The following SH3GL2 variants were observed in gnomAD, a reference collection of about 807,000 sequenced individuals.
SH3GL2 encodes the protein SH3 domain containing GRB2 like 2, endophilin A1.
SH3GL2 carries 24 observed loss-of-function variants against 46.0 expected under a neutral mutation model. The ratio of observed to expected loss-of-function variants is 0.52; its 90% CI spans 0.38 to 0.73. SH3GL2 has a LOEUF of 0.73. Ranked by LOEUF, SH3GL2 falls within the 30% of genes least tolerant of loss-of-function variation. The pLI, the probability that SH3GL2 is intolerant of heterozygous loss-of-function variation, is 0.00. For missense variants in SH3GL2, 413 were observed against 424.2 expected, an observed-to-expected ratio of 0.97 and a Z score of 0.23; for synonymous variants, 196 against 147.1, an observed-to-expected ratio of 1.33 and a Z score of -2.40.
At chr9:17,774,500 T>G (rs1176116151) in intron 3 of SH3GL2, among the ~76,000 whole-genome samples, 1 of 152,080 alleles carries the variant, frequency 6.6e-6, no homozygotes, top group African/African-American at 2.4e-5. Flanking sequence ...GAAAAGGTGT[T>G]GAACTTAGTC....
rs73424576 is a variant in SH3GL2 at position 17,787,629 on chromosome 9, G to A, written c.465+116G>A. The A allele has an allele frequency of 9.9e-4, 757 of 766,542 alleles. 2 individuals carry two copies. In the African/African-American group the frequency reaches 0.012, roughly 12 times the overall value. The allele number at this position is 766,542 out of a possible 1,614,324, so 47.5% of individuals were successfully genotyped here. A position where few individuals can be genotyped will look rare whatever the true frequency, so the allele number is the denominator to read the frequency against. ...CCTGTGTGTTGTCAGCTCTGGGCAC[G>A]TTAATTACAAAACAACCCAGTAAGA... is the stretch of plus-strand genomic sequence containing the variant. On this transcript the variant is annotated intron_variant, in intron 5 of 8. Coordinates refer to ENST00000380607, the MANE Select transcript of SH3GL2 (RefSeq NM_003026.5).
intron 1 of SH3GL2, among the ~76,000 whole-genome samples, chr9:17,618,771 T>G (rs1819063648): frequency 1.4e-5 from 2 of 147,680 alleles, no homozygotes. Flanking sequence ...TTGAACTAAA[T>G]TTTTGCCAAA....
At chr9:17,699,229 C>T (rs917869390) in intron 1 of SH3GL2, among the ~76,000 whole-genome samples, 1 of 151,280 alleles carries the variant, frequency 6.6e-6, no homozygotes, top group African/African-American at 2.4e-5. Context: ...TGAAATATTC[C>T]TCTCTGTATA....
At chr9:17,716,378 C>G (rs12351158) in intron 1 of SH3GL2, among the ~76,000 whole-genome samples, 1,914 of 152,186 alleles carry the variant, frequency 0.013, 55 homozygotes, top group African/African-American at 0.043. Context: ...TCTTTTGGGT[C>G]TTGCTTTTAA....
intron 1 of SH3GL2, among the ~76,000 whole-genome samples, chr9:17,650,474 CG>C (rs1315440103): frequency 6.6e-6 from 1 of 152,058 alleles, no homozygotes; most frequent in African/African-American, 2.4e-5. Context: ...CGGGTTCAAG[CG>C]ATTCTCCTGC....
intron 1 of SH3GL2, among the ~76,000 whole-genome samples, chr9:17,742,879 A>T (rs1201322590): frequency 2.6e-5 from 4 of 152,308 alleles, no homozygotes; most frequent in Non-Finnish European, 5.9e-5. Context: ...ACAGGGGGAC[A>T]TATTGGTTCA....
intron 3 of SH3GL2, among the ~76,000 whole-genome samples, chr9:17,774,503 A>C (rs1480951144): frequency 6.6e-6 from 1 of 150,690 alleles, no homozygotes; most frequent in Non-Finnish European, 1.5e-5. Context: ...AAGGTGTTGA[A>C]CTTAGTCAAC....
chr9:17,728,956 G>T (rs10118179), intron 1 of SH3GL2, among the ~76,000 whole-genome samples: 1 of 151,946 alleles, frequency 6.6e-6, no homozygotes, highest in South Asian at 2.1e-4. Flanking sequence ...GTGTCTTTAT[G>T]GTAGAATGAT....
At chr9:17,592,439 C>A (rs1818502215) in intron 1 of SH3GL2, among the ~76,000 whole-genome samples, 1 of 152,184 alleles carries the variant, frequency 6.6e-6, no homozygotes, top group Non-Finnish European at 1.5e-5. Flanking sequence ...TAATTTAAAA[C>A]TGAATCAGTG....
At chr9:17,680,968 A>C (rs1426391854) in intron 1 of SH3GL2, among the ~76,000 whole-genome samples, 1 of 152,038 alleles carries the variant, frequency 6.6e-6, no homozygotes, top group Non-Finnish European at 1.5e-5. Context: ...CCTGAGTTCT[A>C]GTTTGATTTT....
intron 1 of SH3GL2, among the ~76,000 whole-genome samples, chr9:17,719,132 T>C (rs1248755975): frequency 6.6e-6 from 1 of 152,156 alleles, no homozygotes; most frequent in Non-Finnish European, 1.5e-5. Context: ...TAATATGGTC[T>C]ACCTAATCTT....
At chr9:17,679,453 G>A (rs1447247685) in intron 1 of SH3GL2, among the ~76,000 whole-genome samples, 1 of 152,126 alleles carries the variant, frequency 6.6e-6, no homozygotes, top group Non-Finnish European at 1.5e-5. Context: ...GTATAAGAAT[G>A]CTTGTGATTT....
chr9:17,772,717 A>T (rs973798190), intron 3 of SH3GL2, among the ~76,000 whole-genome samples: 1 of 152,182 alleles, frequency 6.6e-6, no homozygotes, highest in Non-Finnish European at 1.5e-5. Context: ...GTGTGTAAAT[A>T]GTGCAATTTT....
chr9:17,715,694 T>G (rs1215759242), intron 1 of SH3GL2, among the ~76,000 whole-genome samples: 4 of 151,976 alleles, frequency 2.6e-5, no homozygotes, highest in Non-Finnish European at 5.9e-5. Flanking sequence ...AAGCAGCTGT[T>G]CCTCAACTCA....
chr9:17,635,151 C>T (rs1588192287), intron 1 of SH3GL2, among the ~76,000 whole-genome samples: 1 of 152,124 alleles, frequency 6.6e-6, no homozygotes, highest in Non-Finnish European at 1.5e-5. Flanking sequence ...CTACCACCCT[C>T]CTATAGGCCC....
intron 1 of SH3GL2, among the ~76,000 whole-genome samples, chr9:17,616,715 G>A (rs201949218): frequency 5.9e-5 from 9 of 152,102 alleles, no homozygotes; most frequent in South Asian, 2.1e-4. Flanking sequence ...CTTAAAAATC[G>A]TATCATTGAA....
rs77632495 is a variant in SH3GL2 at position 17,691,499 on chromosome 9, A to C, written c.46-55567A>C. On this transcript the variant is annotated intron_variant, in intron 1 of 8. Coordinates refer to ENST00000380607, the MANE Select transcript of SH3GL2 (RefSeq NM_003026.5). ...CGGCCTACAAACAAATCCCTATCTA[A>C]TTGATTTTTGTCAGGGTTTATAACG... Among the ~76,000 whole-genome samples, 15 of 152,234 alleles carry C rather than the reference A, an allele frequency of 9.9e-5. No homozygotes were observed. In the East Asian group the frequency reaches 2.9e-3, roughly 29 times the overall value.
At chr9:17,669,288 A>G (rs1377671715) in intron 1 of SH3GL2, among the ~76,000 whole-genome samples, 2 of 152,112 alleles carry the variant, frequency 1.3e-5, no homozygotes, top group African/African-American at 4.8e-5. Flanking sequence ...GAACTCATTT[A>G]TGTATATATG....
chr9:17,771,326 G>T (rs2209428), intron 3 of SH3GL2, among the ~76,000 whole-genome samples: 66,200 of 151,938 alleles, frequency 0.44, 15,433 homozygotes, highest in East Asian at 0.79. Flanking sequence ...AAACATGATA[G>T]CAAAGAACAC....
Sources: allele counts gnomAD v4.1 joint callset (sites outside exome capture counted in the v4.1 genomes callset), GRCh38; gene constraint gnomAD v4.1.1; transcripts MANE v1.5; gene names NCBI Gene and HGNC (gene_info 2026-07-23, HGNC 2026-07-21).